The following SLC1A1 variants were observed in gnomAD, a reference collection of about 807,000 sequenced individuals.
SLC1A1 encodes the protein excitatory amino acid transporter 3.
SLC1A1 carries 43 observed loss-of-function variants against 53.3 expected under a neutral mutation model. The observed-to-expected ratio is 0.81, with a 90% CI of 0.63 to 1.04. SLC1A1 has a LOEUF of 1.04. SLC1A1 is among the 50% of genes least tolerant of loss of function. SLC1A1 has a pLI of 0.00. For synonymous variants in SLC1A1, 307 were observed against 243.2 expected (o/e 1.26, Z -2.44); for missense variants, 748 against 664.9 (o/e 1.12, Z -1.37).
At chr9:4,524,631 C>G (rs1261938521) in intron 1 of SLC1A1, among the ~76,000 whole-genome samples, 1 of 152,148 alleles carries the variant, frequency 6.6e-6, no homozygotes, top group Non-Finnish European at 1.5e-5. Context: ...ATGGCCCTGG[C>G]TTCTGGTGAA....
chr9:4,582,998 GT>G, intron 10 of SLC1A1, 39 bp from the exon 11 acceptor site: 2 of 1,613,868 alleles, frequency 1.2e-6, no homozygotes, highest in Non-Finnish European at 1.7e-6. Flanking sequence ...AACGGGAGAG[GT>G]AAGTGTCTAA....
At chr9:4,561,009 AAACAAAC>A (rs555824272) in intron 2 of SLC1A1, among the ~76,000 whole-genome samples, 243 of 152,238 alleles carry the variant, frequency 1.6e-3, no homozygotes, top group African/African-American at 5.2e-3. Flanking sequence ...ACAAACAAAC[AAACAAAC>A]AACAACAACA....
At chr9:4,491,401 G>T (rs556082609) in intron 1 of SLC1A1, among the ~76,000 whole-genome samples, 3 of 152,352 alleles carry the variant, frequency 2.0e-5, no homozygotes, top group Admixed American at 2.0e-4. Context: ...TGCCACTGTG[G>T]CCCGCGGGAG....
chr9:4,572,067 T>C (rs1197217063), intron 6 of SLC1A1, 137 bp from the exon 7 acceptor site: 1 of 735,088 alleles, frequency 1.4e-6, no homozygotes, highest in Non-Finnish European at 2.4e-6. Flanking sequence ...TTTTATATTT[T>C]CTATAGTTTT....
At chr9:4,529,822 T>C (rs1816400705) in intron 1 of SLC1A1, among the ~76,000 whole-genome samples, 1 of 152,148 alleles carries the variant, frequency 6.6e-6, no homozygotes, top group Non-Finnish European at 1.5e-5. Flanking sequence ...CCTGGACTCA[T>C]TTTTAAAATA....
chr9:4,576,716 A>G lies in SLC1A1; in HGVS notation c.1146A>G (p.Ala382=), dbSNP rs1820579360. Residue 382 remains alanine, a synonymous_variant, in exon 10 of 12, where the codon GCA becomes GCG. Transcript: ENST00000262352. The part of the protein sequence containing the change: ...LYEAVAAVFI[A]QLNDLDLGIG... ...AAGCAGTGGCAGCGGTGTTTATTGC[A>G]CAGTTGAATGACCTGGACTTGGGCA... 6.2e-7 allele frequency: 1 copy of G among 1,614,212 alleles called. No individual in the cohort carries two copies. Among genetic ancestry groups the G allele is most frequent in the East Asian group, 2.2e-5 (1 of 44,878 alleles).
At chr9:4,568,765 A>G (rs557486372) in intron 6 of SLC1A1, among the ~76,000 whole-genome samples, 4 of 152,194 alleles carry the variant, frequency 2.6e-5, no homozygotes, top group Admixed American at 2.6e-4. Flanking sequence ...TCCTAAGCAC[A>G]AGAAGACTGT....
At chr9:4,566,894 T>C (rs945264367) in intron 5 of SLC1A1, among the ~76,000 whole-genome samples, 1 of 152,200 alleles carries the variant, frequency 6.6e-6, no homozygotes, top group Non-Finnish European at 1.5e-5. Context: ...TTCACATAAG[T>C]TACATGAACA....
chr9:4,573,777 C>G, intron 7 of SLC1A1, 130 bp from the exon 8 acceptor site: 1 of 761,468 alleles, frequency 1.3e-6, no homozygotes, highest in East Asian at 2.5e-5. Context: ...AGCTTCAATT[C>G]CCATCCTGTG....
chr9:4,581,534 T>C (rs374830826), intron 10 of SLC1A1, among the ~76,000 whole-genome samples: 1 of 152,210 alleles, frequency 6.6e-6, no homozygotes, highest in African/African-American at 2.4e-5. Context: ...TATAGAGACA[T>C]GGATTACTGT....
intron 1 of SLC1A1, among the ~76,000 whole-genome samples, chr9:4,532,775 G>C (rs1816523563): frequency 6.6e-6 from 1 of 152,118 alleles, no homozygotes; most frequent in South Asian, 2.1e-4. Flanking sequence ...ATTCACCAAA[G>C]TTGCAATGAA....
chr9:4,573,736 T>A (rs1176096368), intron 7 of SLC1A1, among the ~76,000 whole-genome samples, 171 bp from the exon 8 acceptor site: 1 of 152,120 alleles, frequency 6.6e-6, no homozygotes, highest in Non-Finnish European at 1.5e-5. Context: ...CTAGAGCCAA[T>A]ATTGTTCACC....
In SLC1A1 at chr9:4,525,425, C is replaced by T. The variant is rs954180052; in HGVS notation, c.92-19142C>T. Among the ~76,000 whole-genome samples, 11 of 152,188 alleles carry T rather than the reference C, an allele frequency of 7.2e-5. No individual in the cohort carries two copies. The South Asian group carries it at 8.3e-4, about 11-fold the overall frequency. On this transcript the variant is annotated intron_variant, in intron 1 of 11. Coordinates refer to ENST00000262352, the MANE Select transcript of SLC1A1 (RefSeq NM_004170.6). ...TAAGTCCCCAGAAAAAATAAGTAGC[C>T]TGTAGGTAGACTTTCACAACTCAGA... is the stretch of plus-strand genomic sequence containing the variant.
intron 2 of SLC1A1, among the ~76,000 whole-genome samples, chr9:4,548,704 G>GTTGTATAA (rs1436698244): frequency 6.6e-6 from 1 of 151,996 alleles, no homozygotes; most frequent in Non-Finnish European, 1.5e-5. Context: ...GATGATGATG[G>GTTGTATAA]CATATAGTTG....
intron 1 of SLC1A1, among the ~76,000 whole-genome samples, chr9:4,520,167 GT>G (rs1432600857): frequency 6.6e-6 from 1 of 152,068 alleles, no homozygotes; most frequent in Non-Finnish European, 1.5e-5. Context: ...CTTCATTTGG[GT>G]TTTCAAATTG....
At chr9:4,526,662 C>G (rs924109623) in intron 1 of SLC1A1, among the ~76,000 whole-genome samples, 2 of 152,100 alleles carry the variant, frequency 1.3e-5, no homozygotes, top group African/African-American at 4.8e-5. Context: ...TCAGAATACT[C>G]TTTCAAAGAA....
Position 4,583,088 on chromosome 9 carries a change from G to T in SLC1A1, c.1244G>T (p.Gly415Val). 6.2e-7 allele frequency: 1 copy of T among 1,614,214 alleles called. No individual in the cohort carries two copies. Among genetic ancestry groups the T allele is most frequent in the Non-Finnish European group, 8.5e-7 (1 of 1,180,040 alleles). ...SIGAAGVPQA[G>V]LVTMVIVLSA... ...GGAGCTGCTGGCGTGCCCCAGGCTG[G>T]CCTGGTGACCATGGTGATTGTGCTG... The change falls in exon 11 of 12, where the codon GGC (glycine) becomes GTC (valine). Residue 415 changes from glycine (G) to valine (V), a missense_variant. By Grantham distance (109) the Gly-to-Val change is moderately radical. Coordinates refer to ENST00000262352, the MANE Select transcript of SLC1A1 (RefSeq NM_004170.6). This position sits in a 1 kb window ranked among gnomAD's most constrained non-coding sequence, Gnocchi z 4.6.
intron 11 of SLC1A1, among the ~76,000 whole-genome samples, 197 bp from the exon 12 acceptor site, chr9:4,585,115 C>T (rs750988106): frequency 7.2e-5 from 11 of 152,178 alleles, no homozygotes; most frequent in Non-Finnish European, 8.8e-5. Flanking sequence ...GGAGTCATTG[C>T]TACTTTGGGG....
intron 6 of SLC1A1, among the ~76,000 whole-genome samples, chr9:4,571,169 G>A (rs1586829482): frequency 1.3e-5 from 2 of 152,178 alleles, no homozygotes; most frequent in East Asian, 1.9e-4. Flanking sequence ...CTTATAAGTG[G>A]GAGCTAAATG....
Sources: gnomAD v4.1 joint callset for allele counts (sites outside exome capture counted in the v4.1 genomes callset) on GRCh38, gnomAD v4.1.1 for gene constraint, Gnocchi (gnomAD v3.1) non-coding constraint, MANE v1.5 for transcripts, NCBI Gene and HGNC (gene_info 2026-07-23, HGNC 2026-07-21) for gene names.